The following TRDN variants were observed in gnomAD, a reference collection of about 807,000 sequenced individuals.
The protein encoded by TRDN is triadin.
Under a neutral mutation model 149.7 loss-of-function variants are expected in TRDN, and 161 were observed. The ratio of observed to expected loss-of-function variants is 1.08; its 90% CI spans 0.95 to 1.23. TRDN has a LOEUF of 1.23. TRDN is among the 50% of genes most tolerant of loss of function. The pLI, the probability that TRDN is intolerant of heterozygous loss-of-function variation, is 0.00. For missense variants in TRDN, 896 were observed against 823.5 expected, an observed-to-expected ratio of 1.09 and a Z score of -1.08; for synonymous variants, 294 against 250.5, an observed-to-expected ratio of 1.17 and a Z score of -1.64.
chr6:123,232,592 G>A (rs185192542), intron 38 of TRDN, among the ~76,000 whole-genome samples: 2 of 152,006 alleles, frequency 1.3e-5, no homozygotes, highest in Admixed American at 6.6e-5. Context: ...CTTATGGTAA[G>A]AACTGCAGAG....
intron 4 of TRDN, among the ~76,000 whole-genome samples, chr6:123,534,229 C>G (rs1013931388): frequency 6.6e-6 from 1 of 152,136 alleles, no homozygotes; most frequent in African/African-American, 2.4e-5. Context: ...ATTAATATTT[C>G]TACAGAGGCA....
At chr6:123,328,571 T>G (rs1265636665) in intron 23 of TRDN, among the ~76,000 whole-genome samples, 1 of 151,956 alleles carries the variant, frequency 6.6e-6, no homozygotes, top group African/African-American at 2.4e-5. Flanking sequence ...CCAAGTACAC[T>G]TTGATGGCTC....
chr6:123,221,724 A>C (rs1028291069), intron 39 of TRDN, among the ~76,000 whole-genome samples: 1 of 151,724 alleles, frequency 6.6e-6, no homozygotes, highest in Admixed American at 6.6e-5. Flanking sequence ...AGAGAGAGAA[A>C]GGGAACCCAT....
chr6:123,534,711 A>T (rs1343443539), intron 4 of TRDN, among the ~76,000 whole-genome samples: 2 of 152,208 alleles, frequency 1.3e-5, no homozygotes, highest in African/African-American at 4.8e-5. Context: ...CTTCAAATAA[A>T]ATTAAGTTTT....
intron 9 of TRDN, among the ~76,000 whole-genome samples, chr6:123,474,740 A>G (rs375724565): frequency 5.9e-5 from 9 of 152,136 alleles, no homozygotes; most frequent in East Asian, 5.8e-4. Flanking sequence ...AGACCACAGT[A>G]CAATCAAACT....
intron 10 of TRDN, chr6:123,457,457 A>G: frequency 2.9e-6 from 1 of 344,182 alleles, no homozygotes; most frequent in Non-Finnish European, 5.6e-6. Context: ...CCAATATAAC[A>G]AAAGAAGAAA....
intron 19 of TRDN, among the ~76,000 whole-genome samples, chr6:123,373,823 A>G (rs1028993109): frequency 7.9e-5 from 12 of 152,300 alleles, no homozygotes; most frequent in Non-Finnish European, 1.6e-4. Flanking sequence ...TGCAGGTTAT[A>G]TACAGAAAAC....
intron 24 of TRDN, among the ~76,000 whole-genome samples, chr6:123,289,951 C>G (rs1037197081): frequency 6.6e-6 from 1 of 152,162 alleles, no homozygotes; most frequent in Non-Finnish European, 1.5e-5. Context: ...AACTCCAGAG[C>G]TAACTCTTTC....
chr6:123,615,657 CAAAT>C (rs1373979787), intron 1 of TRDN, among the ~76,000 whole-genome samples: 6 of 151,980 alleles, frequency 3.9e-5, no homozygotes, highest in Non-Finnish European at 7.4e-5. Context: ...CACAAAAAGA[CAAAT>C]ATTATTTGTT....
chr6:123,349,508 G>T (rs1254591990), intron 21 of TRDN: 3 of 898,172 alleles, frequency 3.3e-6, no homozygotes, highest in South Asian at 5.2e-5. Flanking sequence ...TTTATTGAGG[G>T]TCAACAGCAT....
intron 10 of TRDN, among the ~76,000 whole-genome samples, chr6:123,451,058 A>G (rs1404952891): frequency 6.6e-6 from 1 of 152,116 alleles, no homozygotes; most frequent in Non-Finnish European, 1.5e-5. Context: ...CTGAATGACA[A>G]TAATAACCAA....
At chr6:123,246,202 T>C (rs1776171695) in intron 38 of TRDN, among the ~76,000 whole-genome samples, 1 of 151,606 alleles carries the variant, frequency 6.6e-6, no homozygotes, top group Non-Finnish European at 1.5e-5. Context: ...GCAAACAAAT[T>C]CAAAATCTAG....
At chr6:123,465,742 T>A (rs141236582) in intron 9 of TRDN, among the ~76,000 whole-genome samples, 11 of 152,296 alleles carry the variant, frequency 7.2e-5, no homozygotes, top group African/African-American at 2.6e-4. Flanking sequence ...TATAAATTGC[T>A]TGCAAAACAT....
intron 23 of TRDN, among the ~76,000 whole-genome samples, chr6:123,327,645 TTTAGGAATGCTAAACA>T (rs1371241397): frequency 6.6e-6 from 1 of 152,120 alleles, no homozygotes; most frequent in African/African-American, 2.4e-5. Flanking sequence ...ATCACTTATG[TTTAGGAATGCTAAACA>T]TTAATTTTCA....
chr6:123,318,976 A>AGT (rs1287192085), intron 23 of TRDN, among the ~76,000 whole-genome samples: 1 of 152,020 alleles, frequency 6.6e-6, no homozygotes, highest in Non-Finnish European at 1.5e-5. Context: ...CCTTAGGACA[A>AGT]GTTCTTTTGG....
intron 10 of TRDN, chr6:123,440,890 A>G (rs1165499714): frequency 6.6e-6 from 1 of 152,196 alleles, no homozygotes; most frequent in Non-Finnish European, 1.5e-5. Context: ...GTGATACAGT[A>G]TTCTTGTCTT....
At position 123,512,293 on chromosome 6, in the gene TRDN, GAA is replaced by G. The variant is rs1300912305; in HGVS notation, c.610+8_610+9del. 7.1e-7 allele frequency: 1 copy of G among 1,402,928 alleles called. No individual in the cohort carries two copies. The highest frequency in any genetic ancestry group is 9.8e-7 in the Non-Finnish European group (1 of 1,018,870). The allele number at this position is 1,402,928 out of a possible 1,614,324, so 86.9% of individuals were successfully genotyped here. Reference sequence around the variant, plus strand: ...AATTTAGTTATGGAAATAATAAATTGAAAAGTTACCTTTCGCCAGTGTCTTTG... The same window carrying G: ...AATTTAGTTATGGAAATAATAAATTGAAGTTACCTTTCGCCAGTGTCTTTG... On this transcript the variant is annotated splice_region_variant and intron_variant, in intron 7 of 40. Coordinates refer to ENST00000334268, the MANE Select transcript of TRDN (RefSeq NM_006073.4).
chr6:123,487,585 C>G (rs534180523), intron 9 of TRDN, among the ~76,000 whole-genome samples: 1 of 152,156 alleles, frequency 6.6e-6, no homozygotes, highest in Non-Finnish European at 1.5e-5. Context: ...GCTTAAAGTC[C>G]TTCAAAGACT....
intron 1 of TRDN, among the ~76,000 whole-genome samples, chr6:123,605,318 T>A (rs899525158): frequency 2.7e-5 from 4 of 149,336 alleles, no homozygotes; most frequent in Non-Finnish European, 5.9e-5. Context: ...TAAACATATA[T>A]GTATAAAATA....
Sources: allele counts gnomAD v4.1 joint callset (sites outside exome capture counted in the v4.1 genomes callset), GRCh38; gene constraint gnomAD v4.1.1; transcripts MANE v1.5; gene names NCBI Gene and HGNC (gene_info 2026-07-23, HGNC 2026-07-21).